Variants in TTC17 observed in about 807,000 individuals in gnomAD.
TTC17 encodes tetratricopeptide repeat protein 17.
Under a neutral mutation model 143.8 loss-of-function variants are expected in TTC17, and 58 were observed. That is an observed-to-expected ratio of 0.40 (90% CI 0.33 to 0.50). TTC17 has a LOEUF of 0.50. Among genes scored for constraint, TTC17 ranks in the 20% least tolerant of loss-of-function variants. The probability of loss-of-function intolerance (pLI) is 0.49; values close to 1 mark genes in which losing one functional copy is unlikely to be tolerated. For missense variants in TTC17, 1,273 were observed against 1,392.5 expected (o/e 0.91, Z 1.37); for synonymous variants, 501 against 497.8 (o/e 1.01, Z -0.09).
chr11:43,396,855 T>A (rs781520138), intron 6 of TTC17, 37 bp downstream of exon 6: 31 of 1,351,396 alleles, frequency 2.3e-5, no homozygotes, highest in Non-Finnish European at 3.0e-5. Context: ...ATTTTCCACA[T>A]TCCTCAGGAC....
Position 43,451,274 on chromosome 11 carries a change from C to T in TTC17, c.3030+9C>T. On this transcript the variant is annotated intron_variant, in intron 21 of 23. Transcript: ENST00000039989. ...CCAAAGTTTTGGAAAAGGTAAGTCA[C>T]CCCACAGAAAAGCTGGAAACAATTG... is the stretch of plus-strand genomic sequence containing the variant. The T allele has an allele frequency of 1.9e-6, 3 of 1,611,982 alleles. No homozygotes were observed. The highest frequency in any genetic ancestry group is 2.5e-6 in the Non-Finnish European group (3 of 1,178,206).
intron 3 of TTC17, among the ~76,000 whole-genome samples, chr11:43,390,594 C>T (rs1039366133): frequency 1.4e-5 from 2 of 145,812 alleles, no homozygotes; most frequent in South Asian, 2.2e-4. Flanking sequence ...CCAGCCTGGG[C>T]GACAGAGCAA....
intron 9 of TTC17, among the ~76,000 whole-genome samples, chr11:43,400,865 C>G (rs922227388): frequency 1.3e-5 from 2 of 152,168 alleles, no homozygotes; most frequent in African/African-American, 4.8e-5. Flanking sequence ...AACTCAATAA[C>G]AGAGAATAAA....
In TTC17 at chr11:43,492,093, C is replaced by A. The variant is rs1399950645; in HGVS notation, c.3224C>A (p.Thr1075Asn). The A allele has an allele frequency of 3.1e-6, 5 of 1,614,142 alleles. No individual in the cohort carries two copies. In the Admixed American group the frequency reaches 6.7e-5, roughly 22 times the overall value. ...KLWNDAVIVA[T>N]MAVEIAPHFA... ...TGGAATGACGCCGTCATAGTAGCCA[C>A]CATGGCAGTAGAGATCGCACCACAC... is the stretch of plus-strand genomic sequence containing the variant. Residue 1075 changes from threonine (T) to asparagine (N), a missense_variant, in exon 23 of 24, where the codon ACC becomes AAC. By Grantham distance (65) the Thr-to-Asn change is moderately conservative. Around this residue, in one of 3 missense-constraint regions of TTC17, gnomAD observed 878 missense variants for 899.8 expected, o/e 0.98. Coordinates refer to ENST00000039989, the MANE Select transcript of TTC17 (RefSeq NM_018259.6).
In TTC17 at chr11:43,452,268, G is replaced by A. The variant is rs1379190178; in HGVS notation, c.3030+1003G>A. On this transcript the variant is annotated intron_variant, in intron 21 of 23. Coordinates refer to ENST00000039989, the MANE Select transcript of TTC17 (RefSeq NM_018259.6). ...TAATCCCAGCACTTTGGAAGGCCAAGGCAGGTGGATCACTTGAGGACAGGG... is the reference window on the plus strand; with the variant it reads ...TAATCCCAGCACTTTGGAAGGCCAAAGCAGGTGGATCACTTGAGGACAGGG... 7.2e-5 allele frequency among the ~76,000 whole-genome samples: 11 copies of A among 152,174 alleles called. No homozygotes were observed. The East Asian group carries it at 7.7e-4, about 11-fold the overall frequency.
intron 6 of TTC17, 33 bp from the exon 7 acceptor site, chr11:43,397,314 A>C: frequency 6.3e-7 from 1 of 1,586,064 alleles, no homozygotes. Flanking sequence ...AAGTGGTTCT[A>C]CATAATCATG....
chr11:43,403,916 C>A, intron 10 of TTC17, 82 bp from the exon 11 acceptor site: 1 of 1,236,316 alleles, frequency 8.1e-7, no homozygotes, highest in Non-Finnish European at 1.1e-6. Context: ...AATATTCACT[C>A]GCTTTTTTGG....
At chr11:43,488,462 A>ATTTATATATAGTATAATATATATATTAC (rs1948416526) in intron 21 of TTC17, among the ~76,000 whole-genome samples, 1 of 150,582 alleles carries the variant, frequency 6.6e-6, no homozygotes, top group East Asian at 1.9e-4. Flanking sequence ...TAAATACTGT[A>ATTTATATATAGTATAATATATATATTAC]TTTATATATA....
chr11:43,367,873 A>G (rs984275346), intron 1 of TTC17, among the ~76,000 whole-genome samples: 51 of 152,258 alleles, frequency 3.3e-4, no homozygotes, highest in African/African-American at 1.1e-3. Flanking sequence ...CCCAGAGCCT[A>G]TGCTCAGTTC....
At chr11:43,424,757 C>T (rs1480033987) in intron 16 of TTC17, among the ~76,000 whole-genome samples, 3 of 151,930 alleles carry the variant, frequency 2.0e-5, no homozygotes, top group Admixed American at 6.6e-5. Context: ...GCAAGAGAGA[C>T]TCCATCTAAA....
chr11:43,478,378 G>A (rs11037447), intron 21 of TTC17, among the ~76,000 whole-genome samples: 7,660 of 152,182 alleles, frequency 0.05, 386 homozygotes, highest in East Asian at 0.28. Context: ...TGATATTAAA[G>A]AATCATTTTC....
At chr11:43,445,356 G>A (rs1441880181) in intron 18 of TTC17, among the ~76,000 whole-genome samples, 1 of 151,942 alleles carries the variant, frequency 6.6e-6, no homozygotes, top group Non-Finnish European at 1.5e-5. Flanking sequence ...GATGAAATAT[G>A]GTATAATAAA....
intron 21 of TTC17, among the ~76,000 whole-genome samples, chr11:43,486,955 A>G (rs1237066516): frequency 3.9e-5 from 6 of 152,124 alleles, no homozygotes; most frequent in Non-Finnish European, 1.5e-5. Flanking sequence ...AGGCTGAGAC[A>G]GGAGGATCAC....
chr11:43,457,892 A>C (rs1388797052), intron 21 of TTC17, among the ~76,000 whole-genome samples: 2 of 152,122 alleles, frequency 1.3e-5, no homozygotes, highest in African/African-American at 4.8e-5. Context: ...GGCAGAAGTG[A>C]TATTTGAAGA....
intron 1 of TTC17, among the ~76,000 whole-genome samples, chr11:43,372,482 T>TTTTATTTA (rs368350167): frequency 0.024 from 3,445 of 145,910 alleles, 141 homozygotes; most frequent in African/African-American, 0.076. Flanking sequence ...TATTTTTATT[T>TTTTATTTA]TTTATTTATT....
intron 16 of TTC17, 111 bp downstream of exon 16, chr11:43,414,887 C>A: frequency 8.4e-7 from 1 of 1,187,688 alleles, no homozygotes; most frequent in Non-Finnish European, 1.2e-6. Flanking sequence ...TTTTAGATAA[C>A]CAGTATAATT....
intron 19 of TTC17, 95 bp downstream of exon 19, chr11:43,448,217 T>C: frequency 6.6e-7 from 1 of 1,514,096 alleles, no homozygotes; most frequent in Non-Finnish European, 8.9e-7. Context: ...AGTAGAAGAG[T>C]TATCCTTTCT....
At chr11:43,396,526 T>C in intron 5 of TTC17, 183 bp from the exon 6 acceptor site, 1 of 385,440 alleles carries the variant, frequency 2.6e-6, no homozygotes, top group Non-Finnish European at 4.6e-6. Context: ...ATGATTAGAA[T>C]GCTCTTCTGA....
At chr11:43,383,197 C>G (rs947648454) in intron 2 of TTC17, among the ~76,000 whole-genome samples, 2 of 151,714 alleles carry the variant, frequency 1.3e-5, no homozygotes, top group Non-Finnish European at 2.9e-5. Context: ...ATGTCTGGCC[C>G]CAGTTTCTTT....
Sources: gnomAD v4.1 joint callset for allele counts (sites outside exome capture counted in the v4.1 genomes callset) on GRCh38, gnomAD v4.1.1 for gene constraint, gnomAD v4.1.1 regional missense constraint, MANE v1.5 for transcripts, NCBI Gene and HGNC (gene_info 2026-07-23, HGNC 2026-07-21) for gene names.